TENM2: variants seen among roughly 807,000 people sequenced by gnomAD.
TENM2 encodes the protein teneurin transmembrane protein 2, also known as teneurin-2.
In TENM2, 52 loss-of-function variants were observed where a neutral mutation model predicts 245.2. That is an observed-to-expected ratio of 0.21 (90% CI 0.17 to 0.27). The LOEUF is 0.27. Among genes scored for constraint, TENM2 ranks in the 10% least tolerant of loss-of-function variants. TENM2 has a pLI of 1.00. For synonymous variants in TENM2, 1,363 were observed against 1,438.9 expected, an observed-to-expected ratio of 0.95 and a Z score of 1.19; for missense variants, 3,046 against 3,666.8, an observed-to-expected ratio of 0.83 and a Z score of 4.37.
chr5:167,489,951 A>G (rs1033198680), intron 2 of TENM2, among the ~76,000 whole-genome samples: 1 of 152,212 alleles, frequency 6.6e-6, no homozygotes, highest in Non-Finnish European at 1.5e-5. Flanking sequence ...CTGGATATGT[A>G]CATAACTTCA....
chr5:168,039,489 T>C (rs1333191237), intron 5 of TENM2, among the ~76,000 whole-genome samples: 1 of 152,188 alleles, frequency 6.6e-6, no homozygotes, highest in Non-Finnish European at 1.5e-5. Context: ...GATATTATCA[T>C]TCTCTAAAGG....
At chr5:167,903,434 G>C (rs1333759950) in intron 3 of TENM2, among the ~76,000 whole-genome samples, 1 of 149,542 alleles carries the variant, frequency 6.7e-6, no homozygotes, top group East Asian at 2.0e-4. Flanking sequence ...GCCTACTCAG[G>C]TAGAATGGAG....
chr5:168,039,840 C>T (rs896130029), intron 5 of TENM2, among the ~76,000 whole-genome samples: 5 of 152,044 alleles, frequency 3.3e-5, no homozygotes, highest in Non-Finnish European at 5.9e-5. Context: ...GCCACACACT[C>T]GCAGTGTCAA....
chr5:167,617,700 C>A (rs756563312), intron 2 of TENM2, among the ~76,000 whole-genome samples: 4 of 152,084 alleles, frequency 2.6e-5, no homozygotes, highest in Non-Finnish European at 4.4e-5. Flanking sequence ...TTGTAGCCAG[C>A]GAGCCTAATG....
chr5:168,144,807 G>T (rs1755895511), intron 12 of TENM2, among the ~76,000 whole-genome samples: 2 of 152,252 alleles, frequency 1.3e-5, no homozygotes, highest in South Asian at 4.1e-4. Context: ...CAGTGTAAAA[G>T]TGTTCCTATT....
chr5:166,979,194 C>CCACCAGCAGCAGCAG, the TENM2 span, among the ~76,000 whole-genome samples: 506 of 142,124 alleles, frequency 3.6e-3, 6 homozygotes, highest in African/African-American at 0.013. Flanking sequence ...AGCACCACCA[C>CCACCAGCAGCAGCAG]CAGCAGCAGC....
intron 12 of TENM2, among the ~76,000 whole-genome samples, chr5:168,151,703 G>T (rs1756669041): frequency 6.6e-6 from 1 of 152,208 alleles, no homozygotes; most frequent in Admixed American, 6.5e-5. Flanking sequence ...ACTGCCACAT[G>T]GTGACTGAGG....
intron 2 of TENM2, among the ~76,000 whole-genome samples, chr5:167,513,834 T>TGTGCTATC (rs1431554935): frequency 1.3e-4 from 20 of 152,190 alleles, no homozygotes; most frequent in Admixed American, 7.9e-4. Context: ...TATTGTTAGC[T>TGTGCTATC]GTGCTATCGA....
At chr5:167,728,504 G>GAAGGCT (rs1554106647) in intron 2 of TENM2, among the ~76,000 whole-genome samples, 49 of 151,430 alleles carry the variant, frequency 3.2e-4, no homozygotes, top group African/African-American at 1.1e-3. Flanking sequence ...CAACTACTCA[G>GAAGGCT]GAGGCAGGAG....
chr5:167,242,174 T>C, the TENM2 span, among the ~76,000 whole-genome samples: 1 of 151,594 alleles, frequency 6.6e-6, no homozygotes, highest in East Asian at 1.9e-4. Context: ...CTCAGCCTCC[T>C]GAGTAGCTAG....
At chr5:167,544,809 G>A (rs749494682) in intron 2 of TENM2, among the ~76,000 whole-genome samples, 4 of 152,024 alleles carry the variant, frequency 2.6e-5, no homozygotes, top group African/African-American at 4.8e-5. Flanking sequence ...TTAAAATAAC[G>A]AAAAGCAAAA....
Position 167,857,507 on chromosome 5 carries a change from C to T in TENM2, c.503-18479C>T, listed in dbSNP as rs111695263. Among the ~76,000 whole-genome samples, 602 of 152,278 alleles carry T rather than the reference C, an allele frequency of 4.0e-3. 5 individuals are homozygous for T. The highest frequency in any genetic ancestry group is 0.014 in the African/African-American group (567 of 41,564). On this transcript the variant is annotated intron_variant, in intron 2 of 28. Coordinates refer to ENST00000518659, the Ensembl canonical transcript of TENM2. ...AATGGAATACACCAACCAATTCAGA[C>T]GTGTTCATACAGGCCTACAGTACAT...
chr5:167,995,153 T>C (rs1783960408), intron 5 of TENM2, among the ~76,000 whole-genome samples: 2 of 152,136 alleles, frequency 1.3e-5, no homozygotes, highest in Admixed American at 6.5e-5. Flanking sequence ...CCAGTGCGCC[T>C]TCTACTCTAC....
intron 2 of TENM2, among the ~76,000 whole-genome samples, chr5:167,519,255 C>G (rs1269166698): frequency 6.6e-6 from 1 of 152,082 alleles, no homozygotes; most frequent in African/African-American, 2.4e-5. Flanking sequence ...CAGAAATCAT[C>G]AATATCTTGT....
chr5:167,518,502 T>A (rs1419451438), intron 2 of TENM2, among the ~76,000 whole-genome samples: 1 of 152,192 alleles, frequency 6.6e-6, no homozygotes, highest in Non-Finnish European at 1.5e-5. Context: ...ATGTTTGTAA[T>A]TGTATATGGC....
chr5:167,117,281 A>T, the TENM2 span, among the ~76,000 whole-genome samples: 10 of 152,294 alleles, frequency 6.6e-5, no homozygotes, highest in African/African-American at 2.4e-4. Flanking sequence ...AGGCGGGTGG[A>T]TCATGACGTC....
the TENM2 span, among the ~76,000 whole-genome samples, chr5:167,148,519 C>A: frequency 2.0e-5 from 3 of 152,132 alleles, no homozygotes; most frequent in African/African-American, 4.8e-5. Flanking sequence ...TATATATTTT[C>A]TTTACTTAAA....
At chr5:167,610,448 G>A (rs1777400374) in intron 2 of TENM2, among the ~76,000 whole-genome samples, 1 of 152,106 alleles carries the variant, frequency 6.6e-6, no homozygotes, top group African/African-American at 2.4e-5. Context: ...TCTTTCTGGT[G>A]AACAGTCCCC....
intron 4 of TENM2, among the ~76,000 whole-genome samples, chr5:167,980,926 T>G (rs897156417): frequency 1.6e-4 from 25 of 152,120 alleles, no homozygotes; most frequent in African/African-American, 6.0e-4. Context: ...GATGTCACCC[T>G]TCAGGACTGG....
Sources: gnomAD v4.1 joint callset for allele counts (sites outside exome capture counted in the v4.1 genomes callset) on GRCh38, gnomAD v4.1.1 for gene constraint, MANE v1.5 for transcripts, NCBI Gene and HGNC (gene_info 2026-07-23, HGNC 2026-07-21) for gene names.